B3GALT1: variants seen among roughly 807,000 people sequenced by gnomAD.
The protein encoded by B3GALT1 is beta-1,3-galactosyltransferase 1, also known as UDP-Gal:betaGlcNAc beta 1,3-galactosyltransferase, polypeptide 1.
A neutral mutation model predicts 23.2 loss-of-function variants in B3GALT1; 10 were observed. That is an observed-to-expected ratio of 0.43 (90% confidence interval 0.27 to 0.73). The LOEUF (loss-of-function observed/expected upper bound fraction) is 0.73, where lower values mean the gene tolerates loss of function less well. Ranked by LOEUF, B3GALT1 falls within the 30% of genes least tolerant of loss-of-function variation. The pLI is 0.21. For synonymous variants in B3GALT1, 156 were observed against 141.5 expected, an observed-to-expected ratio of 1.10 and a Z score of -0.73; for missense variants, 299 against 405.4, an observed-to-expected ratio of 0.74 and a Z score of 2.25.
At chr2:167,821,499 A>ATCTC (rs1246857358) in intron 4 of B3GALT1, among the ~76,000 whole-genome samples, 81 of 136,788 alleles carry the variant, frequency 5.9e-4, no homozygotes, top group African/African-American at 2.1e-3. Context: ...CAATGGCGTG[A>ATCTC]TCTCTGCTTA....
At chr2:167,618,865 T>C (rs898638928) in intron 2 of B3GALT1, among the ~76,000 whole-genome samples, 3 of 151,998 alleles carry the variant, frequency 2.0e-5, no homozygotes, top group African/African-American at 2.4e-5. Flanking sequence ...CCAAATTATA[T>C]CTTTTTCCTT....
intron 2 of B3GALT1, among the ~76,000 whole-genome samples, chr2:167,604,859 G>C (rs772501605): frequency 6.6e-6 from 1 of 152,202 alleles, no homozygotes; most frequent in Non-Finnish European, 1.5e-5. Flanking sequence ...GAAGATCATA[G>C]GCAAGGAAGA....
intron 4 of B3GALT1, among the ~76,000 whole-genome samples, chr2:167,864,195 C>T (rs1299515661): frequency 6.6e-6 from 1 of 152,100 alleles, no homozygotes; most frequent in Non-Finnish European, 1.5e-5. Flanking sequence ...ATTGATATAG[C>T]ACAGTGTGTA....
chr2:167,683,746 AAC>A (rs369993410), intron 3 of B3GALT1, among the ~76,000 whole-genome samples: 23 of 150,746 alleles, frequency 1.5e-4, no homozygotes, highest in African/African-American at 3.7e-4. Flanking sequence ...TTAAAAAGAA[AAC>A]ACACACACAC....
intron 2 of B3GALT1, among the ~76,000 whole-genome samples, chr2:167,523,615 G>A (rs1683162420): frequency 6.6e-6 from 1 of 152,036 alleles, no homozygotes; most frequent in Non-Finnish European, 1.5e-5. Flanking sequence ...AGTAAAGACG[G>A]GGTTTCACCA....
At chr2:167,842,966 A>G (rs1689680960) in intron 4 of B3GALT1, among the ~76,000 whole-genome samples, 1 of 152,198 alleles carries the variant, frequency 6.6e-6, no homozygotes, top group South Asian at 2.1e-4. Flanking sequence ...TGAACCTGAA[A>G]TAGGCACACT....
chr2:167,489,295 A>G (rs1369934177), intron 1 of B3GALT1, among the ~76,000 whole-genome samples: 25 of 152,178 alleles, frequency 1.6e-4, no homozygotes, highest in Admixed American at 1.6e-3. Context: ...TATGCATAAC[A>G]GTTTGTAAAG....
At chr2:167,771,253 C>T (rs1196677812) in intron 3 of B3GALT1, among the ~76,000 whole-genome samples, 2 of 152,130 alleles carry the variant, frequency 1.3e-5, no homozygotes, top group South Asian at 2.1e-4. Context: ...TTATTTTCTC[C>T]CTTTTTTCTC....
At chr2:167,703,918 A>C (rs1431919655) in intron 3 of B3GALT1, among the ~76,000 whole-genome samples, 3 of 152,118 alleles carry the variant, frequency 2.0e-5, no homozygotes, top group African/African-American at 7.2e-5. Context: ...GCGGTGGCTC[A>C]CACCTGTAAT....
At chr2:167,333,640 A>G (rs1559068157) in intron 1 of B3GALT1, among the ~76,000 whole-genome samples, 4 of 152,186 alleles carry the variant, frequency 2.6e-5, no homozygotes, top group Non-Finnish European at 5.9e-5. Context: ...GTGTCAGGGA[A>G]CTGTATAAGT....
At chr2:167,833,100 C>G (rs949126049) in intron 4 of B3GALT1, among the ~76,000 whole-genome samples, 1 of 152,192 alleles carries the variant, frequency 6.6e-6, no homozygotes, top group Non-Finnish European at 1.5e-5. Flanking sequence ...CCTCCCCTCA[C>G]TGAACATGCC....
chr2:167,798,806 A>C (rs1688586437), intron 3 of B3GALT1, among the ~76,000 whole-genome samples: 1 of 152,146 alleles, frequency 6.6e-6, no homozygotes, highest in Non-Finnish European at 1.5e-5. Context: ...AGAGGCCATG[A>C]AGTAAAGGAT....
At chr2:167,689,656 A>C (rs1471253513) in intron 3 of B3GALT1, among the ~76,000 whole-genome samples, 1 of 152,102 alleles carries the variant, frequency 6.6e-6, no homozygotes, top group Non-Finnish European at 1.5e-5. Flanking sequence ...CTTTAAGAGG[A>C]TCTTCCTGGC....
intron 3 of B3GALT1, among the ~76,000 whole-genome samples, chr2:167,781,834 T>C (rs1488385482): frequency 6.6e-6 from 1 of 152,110 alleles, no homozygotes. Context: ...CTCTGCCTCC[T>C]GAATTCAAGC....
chr2:167,790,283 T>C (rs1688411660), intron 3 of B3GALT1, among the ~76,000 whole-genome samples: 1 of 152,050 alleles, frequency 6.6e-6, no homozygotes, highest in African/African-American at 2.4e-5. Context: ...CAAGCCTGGG[T>C]TGTTCACTCT....
At chr2:167,512,618 ATACGTG>A (rs1247127170) in intron 2 of B3GALT1, among the ~76,000 whole-genome samples, 6 of 82,456 alleles carry the variant, frequency 7.3e-5, no homozygotes, top group African/African-American at 3.1e-4. Context: ...GTATATATAT[ATACGTG>A]TATATATATA....
chr2:167,855,530 C>T lies in B3GALT1; in HGVS notation c.-229-13281C>T, dbSNP rs901813545. On this transcript the variant is annotated intron_variant, in intron 4 of 4. Coordinates refer to ENST00000392690, the MANE Select transcript of B3GALT1 (RefSeq NM_020981.4). ...AAGGTATTGATTAAATAGAAGTTAC[C>T]GTTTAACATTACTTTAAAAGAAGTA... Among the ~76,000 whole-genome samples the T allele has an allele frequency of 2.6e-5, 4 of 151,990 alleles. No individual in the cohort carries two copies. In the South Asian group the frequency reaches 6.2e-4, roughly 24 times the overall value.
intron 1 of B3GALT1, among the ~76,000 whole-genome samples, chr2:167,308,835 G>T (rs778150988): frequency 6.6e-6 from 1 of 151,858 alleles, no homozygotes; most frequent in Non-Finnish European, 1.5e-5. Context: ...CTTTTCATCT[G>T]TACGAAATCC....
chr2:167,816,928 A>G (rs967352270), intron 3 of B3GALT1, among the ~76,000 whole-genome samples: 2 of 152,230 alleles, frequency 1.3e-5, no homozygotes, highest in Non-Finnish European at 2.9e-5. Context: ...CCATTATTAG[A>G]ATAAGACATT....
Sources: gnomAD v4.1 joint callset for allele counts (sites outside exome capture counted in the v4.1 genomes callset) on GRCh38, gnomAD v4.1.1 for gene constraint, MANE v1.5 for transcripts, NCBI Gene and HGNC (gene_info 2026-07-23, HGNC 2026-07-21) for gene names.